Variants in NBEA observed in about 807,000 individuals in gnomAD.
The protein encoded by NBEA is neurobeachin, also known as lysosomal-trafficking regulator 2.
In NBEA, 44 loss-of-function variants were observed where a neutral mutation model predicts 343.4. That is an observed-to-expected ratio of 0.13 (90% CI 0.10 to 0.16). NBEA has a LOEUF of 0.16. NBEA is among the 10% of genes least tolerant of loss of function. NBEA has a pLI of 1.00. For synonymous variants in NBEA, 1,175 were observed against 1,238.7 expected, an observed-to-expected ratio of 0.95 and a Z score of 1.08; for missense variants, 2,555 against 3,631.3, an observed-to-expected ratio of 0.70 and a Z score of 7.62.
rs747285759 is a variant in NBEA at position 35,155,808 on chromosome 13, A to G, written c.2480A>G (p.His827Arg). The change falls in exon 19 of 59, where the codon CAC becomes CGC. Residue 827 changes from histidine to arginine, a missense_variant. This residue lies in a region of NBEA where 360 missense variants were observed against 519.1 expected (regional missense o/e 0.69). Coordinates refer to ENST00000379939, the MANE Select transcript of NBEA (RefSeq NM_001385012.1). Reference sequence around the variant, plus strand: ...GAACAAGTATGTACTCAGGTCGTACACAAACCACATCCAGAGCCAGATTCT... The same window carrying G: ...GAACAAGTATGTACTCAGGTCGTACGCAAACCACATCCAGAGCCAGATTCT... ...LTEQVCTQVV[H>R]KPHPEPDSTV... 3.1e-6 allele frequency: 5 copies of G among 1,612,626 alleles called. No homozygotes were observed. Among genetic ancestry groups the G allele is most frequent in the Non-Finnish European group, 4.2e-6 (5 of 1,178,694 alleles).
intron 33 of NBEA, among the ~76,000 whole-genome samples, chr13:35,231,970 A>T (rs2074999473): frequency 6.6e-6 from 1 of 152,170 alleles, no homozygotes; most frequent in African/African-American, 2.4e-5. Context: ...ATATAATAAT[A>T]CAGCAGTTTG....
At chr13:35,460,102 T>C (rs921197477) in intron 40 of NBEA, among the ~76,000 whole-genome samples, 5 of 152,230 alleles carry the variant, frequency 3.3e-5, no homozygotes. Flanking sequence ...TTATTCAACC[T>C]GATACTTGTA....
chr13:35,364,699 C>T (rs2041004505), intron 38 of NBEA, among the ~76,000 whole-genome samples: 1 of 151,620 alleles, frequency 6.6e-6, no homozygotes, highest in Non-Finnish European at 1.5e-5. Flanking sequence ...TTGATTTACC[C>T]AAGATAAATC....
chr13:35,447,529 G>A (rs923566120), intron 39 of NBEA, among the ~76,000 whole-genome samples: 1 of 152,038 alleles, frequency 6.6e-6, no homozygotes, highest in African/African-American at 2.4e-5. Flanking sequence ...AGTCTATGGA[G>A]TGCTTTCATG....
intron 33 of NBEA, among the ~76,000 whole-genome samples, chr13:35,231,078 G>C (rs556085899): frequency 1.8e-4 from 28 of 151,854 alleles, no homozygotes; most frequent in Non-Finnish European, 3.1e-4. Flanking sequence ...TTTTTCTTAC[G>C]GGAAAATGTT....
At chr13:35,259,224 T>C (rs1401877861) in intron 34 of NBEA, among the ~76,000 whole-genome samples, 1 of 152,218 alleles carries the variant, frequency 6.6e-6, no homozygotes, top group Non-Finnish European at 1.5e-5. Flanking sequence ...ATTTTATTTT[T>C]AGCTCGGCAC....
intron 34 of NBEA, among the ~76,000 whole-genome samples, chr13:35,275,970 T>G (rs1336654086): frequency 5.9e-5 from 9 of 152,154 alleles, no homozygotes; most frequent in Admixed American, 1.3e-4. Flanking sequence ...CTGCACGTTG[T>G]GTACCTGTAC....
intron 10 of NBEA, among the ~76,000 whole-genome samples, chr13:35,077,729 A>C (rs978753905): frequency 6.6e-6 from 1 of 152,114 alleles, no homozygotes; most frequent in Admixed American, 6.6e-5. Context: ...ATTTCACACC[A>C]GTGGTCATTC....
At chr13:35,017,848 A>G (rs2061706757) in intron 1 of NBEA, among the ~76,000 whole-genome samples, 1 of 152,170 alleles carries the variant, frequency 6.6e-6, no homozygotes. Context: ...AAATATTTGC[A>G]TAATCCAAGA....
chr13:35,364,629 A>AC (rs1338247939), intron 38 of NBEA, among the ~76,000 whole-genome samples: 2 of 151,852 alleles, frequency 1.3e-5, no homozygotes, highest in African/African-American at 4.8e-5. Flanking sequence ...AAAGTGATTA[A>AC]GGGGGATTGA....
At chr13:35,233,159 T>C (rs910901091) in intron 34 of NBEA, among the ~76,000 whole-genome samples, 5 of 152,056 alleles carry the variant, frequency 3.3e-5, no homozygotes, top group African/African-American at 4.8e-5. Context: ...TTGAAAAATA[T>C]GGTTAATCAA....
At chr13:35,029,919 C>A (rs954401003) in intron 1 of NBEA, among the ~76,000 whole-genome samples, 1 of 151,648 alleles carries the variant, frequency 6.6e-6, no homozygotes, top group East Asian at 1.9e-4. Context: ...GAGTAGCAAG[C>A]ATCATTGTGG....
chr13:35,223,102 A>T (rs902163741), intron 33 of NBEA, among the ~76,000 whole-genome samples: 8 of 152,216 alleles, frequency 5.3e-5, no homozygotes, highest in Non-Finnish European at 7.3e-5. Flanking sequence ...ACTGCACTCT[A>T]GCCTGGGCGA....
intron 10 of NBEA, 50 bp from the exon 11 acceptor site, chr13:35,098,247 T>G: frequency 7.7e-7 from 1 of 1,292,820 alleles, no homozygotes. Flanking sequence ...GGACACTGTT[T>G]ATAATAAACA....
Position 35,649,747 on chromosome 13 carries a change from C to T in NBEA, c.7863C>T (p.Thr2621=), listed in dbSNP as rs760527098. 1 of 1,613,948 alleles carries T rather than the reference C, an allele frequency of 6.2e-7. No homozygotes were observed. The highest frequency in any genetic ancestry group is 8.5e-7 in the Non-Finnish European group (1 of 1,179,862). The change falls in exon 52 of 59, where the codon ACC becomes ACT. Residue 2621 remains threonine, a synonymous_variant. Transcript: ENST00000379939. ...VLKFPSNSPV[T]HVAANTLPHL... The stretch of plus-strand genomic sequence containing the variant: ...AGTTTCCTTCAAATTCTCCAGTAAC[C>T]CATGTGGCAGCCAACACTCTGCCCC...
chr13:35,211,213 T>G lies in NBEA; in HGVS notation c.5648+34T>G, dbSNP rs191972308. On this transcript the variant is annotated intron_variant, in intron 33 of 58. Coordinates refer to ENST00000379939, the MANE Select transcript of NBEA (RefSeq NM_001385012.1). ...GACTACTTTTTATTCATTTTAACTC[T>G]TTTTAAATGTAGTGAAACAGTACAC... 4.9e-4 allele frequency: 732 copies of G among 1,508,678 alleles called. 2 individuals carry two copies. The African/African-American group carries it at 7.8e-3, about 16-fold the overall frequency. 93.5% of individuals were successfully genotyped at this position (1,508,678 alleles called of 1,614,324 possible). A position where few individuals can be genotyped will look rare whatever the true frequency, so the allele number is the denominator to read the frequency against.
chr13:35,642,139 C>A (rs922570573), intron 49 of NBEA, among the ~76,000 whole-genome samples: 12 of 152,148 alleles, frequency 7.9e-5, no homozygotes, highest in Admixed American at 5.9e-4. Flanking sequence ...TTTAAAAAAT[C>A]TAGTGGTTTA....
intron 44 of NBEA, among the ~76,000 whole-genome samples, chr13:35,558,281 CAA>C (rs1230590742): frequency 6.6e-6 from 1 of 151,758 alleles, no homozygotes; most frequent in Non-Finnish European, 1.5e-5. Context: ...AAATTGTGTA[CAA>C]TTTTATAATG....
chr13:35,032,788 C>T (rs929702670), intron 1 of NBEA, among the ~76,000 whole-genome samples: 2 of 151,608 alleles, frequency 1.3e-5, no homozygotes. Context: ...TGCCCATTTG[C>T]CATTTGTATA....
Sources: allele counts gnomAD v4.1 joint callset (sites outside exome capture counted in the v4.1 genomes callset), GRCh38; gene constraint gnomAD v4.1.1; regional missense constraint gnomAD v4.1.1; transcripts MANE v1.5; gene names NCBI Gene and HGNC (gene_info 2026-07-23, HGNC 2026-07-21).